DLG2: variants seen among roughly 807,000 people sequenced by gnomAD.
DLG2 encodes the protein discs large MAGUK scaffold protein 2.
In DLG2, 45 loss-of-function variants were observed where a neutral mutation model predicts 132.5. That is an observed-to-expected ratio of 0.34 (90% CI 0.27 to 0.44). The LOEUF is 0.44. DLG2 is among the 20% of genes least tolerant of loss of function. DLG2 has a pLI of 1.00. For missense variants in DLG2, 1,045 were observed against 1,196.9 expected, an observed-to-expected ratio of 0.87 and a Z score of 1.87; for synonymous variants, 424 against 419.6, an observed-to-expected ratio of 1.01 and a Z score of -0.13.
chr11:84,896,552 G>T (rs566945393), intron 6 of DLG2, among the ~76,000 whole-genome samples: 1 of 152,140 alleles, frequency 6.6e-6, no homozygotes, highest in Admixed American at 6.5e-5. Context: ...CCTGCCATTT[G>T]TTGAGTTCTC....
chr11:84,078,530 T>C (rs1373107904), intron 10 of DLG2, among the ~76,000 whole-genome samples: 4 of 152,210 alleles, frequency 2.6e-5, no homozygotes, highest in East Asian at 1.9e-4. Flanking sequence ...TTAAGACATA[T>C]ACTTTATTTT....
chr11:84,180,019 C>T (rs766642008), intron 8 of DLG2, among the ~76,000 whole-genome samples: 1 of 152,008 alleles, frequency 6.6e-6, no homozygotes, highest in Non-Finnish European at 1.5e-5. Context: ...AAAAAATGAC[C>T]AGGCATACTA....
intron 16 of DLG2, among the ~76,000 whole-genome samples, chr11:83,868,114 T>A (rs1179800118): frequency 6.6e-6 from 1 of 152,104 alleles, no homozygotes; most frequent in Non-Finnish European, 1.5e-5. Context: ...TCAGAGGAAT[T>A]TGCTGCTCTG....
At chr11:84,370,715 C>A (rs1384512462) in intron 7 of DLG2, among the ~76,000 whole-genome samples, 1 of 152,150 alleles carries the variant, frequency 6.6e-6, no homozygotes, top group Non-Finnish European at 1.5e-5. Context: ...GTGTCTGACT[C>A]TTTACCACCT....
chr11:85,058,254 C>T (rs2063671456), intron 6 of DLG2, among the ~76,000 whole-genome samples: 2 of 151,424 alleles, frequency 1.3e-5, no homozygotes, highest in African/African-American at 4.8e-5. Flanking sequence ...TTAAATATAT[C>T]ACCAACAATT....
chr11:84,176,851 CTGCT>C (rs2095983840), intron 8 of DLG2, among the ~76,000 whole-genome samples: 2 of 152,064 alleles, frequency 1.3e-5, no homozygotes, highest in South Asian at 4.1e-4. Flanking sequence ...TAGCTCACTG[CTGCT>C]TGCTTGCTTG....
At chr11:85,205,146 G>GTATATATATATATA (rs376041155) in intron 4 of DLG2, among the ~76,000 whole-genome samples, 189 of 141,606 alleles carry the variant, frequency 1.3e-3, no homozygotes, top group Admixed American at 3.3e-3. Flanking sequence ...ATATGTGTGT[G>GTATATATATATATA]TATATATATA....
intron 4 of DLG2, among the ~76,000 whole-genome samples, chr11:85,207,707 AT>A (rs936990430): frequency 6.6e-6 from 1 of 152,096 alleles, no homozygotes; most frequent in African/African-American, 2.4e-5. Context: ...AAAAATTCAT[AT>A]TTTGGCACTT....
chr11:83,912,522 T>C (rs1420769480), intron 15 of DLG2, among the ~76,000 whole-genome samples: 1 of 152,128 alleles, frequency 6.6e-6, no homozygotes, highest in Non-Finnish European at 1.5e-5. Context: ...GAACACACAG[T>C]GGCAGGAACG....
intron 6 of DLG2, among the ~76,000 whole-genome samples, chr11:84,625,527 G>T (rs1329347001): frequency 6.6e-6 from 1 of 152,122 alleles, no homozygotes; most frequent in Non-Finnish European, 1.5e-5. Flanking sequence ...TAACTTCCAG[G>T]TACTCTGAGA....
intron 8 of DLG2, among the ~76,000 whole-genome samples, chr11:84,190,460 A>G (rs188941074): frequency 6.6e-6 from 1 of 152,304 alleles, no homozygotes; most frequent in East Asian, 1.9e-4. Flanking sequence ...CCCCTCTAGA[A>G]TTGTTAGTGA....
chr11:85,434,416 A>C (rs2091365540), intron 3 of DLG2, among the ~76,000 whole-genome samples: 1 of 152,034 alleles, frequency 6.6e-6, no homozygotes. Flanking sequence ...TAAAAAAAAA[A>C]TAGACCACTA....
chr11:84,052,808 C>T (rs1186623482), intron 11 of DLG2, among the ~76,000 whole-genome samples: 1 of 151,450 alleles, frequency 6.6e-6, no homozygotes, highest in African/African-American at 2.4e-5. Flanking sequence ...AAATGGAATG[C>T]TTTTACATTG....
intron 3 of DLG2, among the ~76,000 whole-genome samples, chr11:85,413,826 G>C (rs1475743869): frequency 6.6e-6 from 1 of 152,010 alleles, no homozygotes; most frequent in African/African-American, 2.4e-5. Context: ...TTTGAAATCA[G>C]GTAATGTGAT....
At chr11:84,446,238 T>G (rs2099034520) in intron 7 of DLG2, among the ~76,000 whole-genome samples, 1 of 152,112 alleles carries the variant, frequency 6.6e-6, no homozygotes, top group Admixed American at 6.5e-5. Flanking sequence ...TCTATATATA[T>G]TTTTAAATCT....
At chr11:85,289,464 C>T (rs2078759219) in intron 3 of DLG2, among the ~76,000 whole-genome samples, 1 of 152,094 alleles carries the variant, frequency 6.6e-6, no homozygotes, top group Non-Finnish European at 1.5e-5. Context: ...TATGAAATGT[C>T]ATCATCAAGA....
intron 14 of DLG2, among the ~76,000 whole-genome samples, chr11:83,943,284 A>G (rs971675529): frequency 1.3e-5 from 2 of 152,254 alleles, no homozygotes; most frequent in Non-Finnish European, 2.9e-5. Flanking sequence ...AGCTGGAGGA[A>G]AAAACTATTT....
intron 3 of DLG2, among the ~76,000 whole-genome samples, chr11:85,360,482 TA>T (rs2084059011): frequency 6.6e-6 from 1 of 152,210 alleles, no homozygotes; most frequent in Non-Finnish European, 1.5e-5. Context: ...TTACCTTCAC[TA>T]CTATTCTTCT....
chr11:85,401,298 C>T (rs572646244), intron 3 of DLG2, among the ~76,000 whole-genome samples: 1 of 151,908 alleles, frequency 6.6e-6, no homozygotes. Flanking sequence ...GCCTTTCATG[C>T]AAAAAACTCT....
Sources: allele counts gnomAD v4.1 joint callset (sites outside exome capture counted in the v4.1 genomes callset), GRCh38; gene constraint gnomAD v4.1.1; transcripts MANE v1.5; gene names NCBI Gene and HGNC (gene_info 2026-07-23, HGNC 2026-07-21).